The following CAMTA1 variants were observed in gnomAD, a reference collection of about 807,000 sequenced individuals.
CAMTA1 encodes calmodulin-binding transcription activator 1.
Under a neutral mutation model 170.9 loss-of-function variants are expected in CAMTA1, and 27 were observed. That is an observed-to-expected ratio of 0.16 (90% CI 0.12 to 0.22). The LOEUF is 0.22. Among genes scored for constraint, CAMTA1 ranks in the 10% least tolerant of loss-of-function variants. The pLI, the probability that CAMTA1 is intolerant of heterozygous loss-of-function variation, is 1.00. For synonymous variants in CAMTA1, 833 were observed against 891.5 expected, an observed-to-expected ratio of 0.93 and a Z score of 1.17; for missense variants, 1,619 against 2,217.2, an observed-to-expected ratio of 0.73 and a Z score of 5.42.
At position 7,664,557 on chromosome 1, in the gene CAMTA1, C is replaced by G; in HGVS notation, c.2010C>G (p.Ser670=). Residue 670 remains serine, a synonymous_variant, in exon 9 of 23, where the codon TCC becomes TCG. Coordinates refer to ENST00000303635, the MANE Select transcript of CAMTA1 (RefSeq NM_015215.4). ...TGGAGACGCGGATCGAGTCCACTTC[C>G]TCCCTCCACCTCATGCAGTTCCAGG... ...GHVETRIEST[S]SLHLMQFQAN... 1 of 1,613,214 alleles carries G rather than the reference C, an allele frequency of 6.2e-7. No individual in the cohort carries two copies. Among genetic ancestry groups the G allele is most frequent in the Non-Finnish European group, 8.5e-7 (1 of 1,180,040 alleles).
At position 7,044,389 on chromosome 1, in the gene CAMTA1, T is replaced by C. The variant is rs936480282; in HGVS notation, c.235-46915T>C. Among the ~76,000 whole-genome samples, 3 of 151,680 alleles carry C rather than the reference T, an allele frequency of 2.0e-5. No homozygotes were observed. The highest frequency in any genetic ancestry group is 7.3e-5 in the African/African-American group (3 of 41,250). On this transcript the variant is annotated intron_variant, in intron 3 of 22. Coordinates refer to ENST00000303635, the MANE Select transcript of CAMTA1 (RefSeq NM_015215.4). The surrounding 1 kb of genome is among the most constrained non-coding windows in gnomAD (Gnocchi z 5.0). ...GGACCCTGGGGACTCACAGCAGTACTGCTGGGGACGCCGAGGACGCAGAGC... is the reference window on the plus strand; with the variant it reads ...GGACCCTGGGGACTCACAGCAGTACCGCTGGGGACGCCGAGGACGCAGAGC...
In CAMTA1 at chr1:7,713,337, C is replaced by T. The variant is rs142061729; in HGVS notation, c.2915-19111C>T. On this transcript the variant is annotated intron_variant, in intron 11 of 22. Transcript: ENST00000303635. ...AGTATGGACCAAGACTTTCCTAACT[C>T]GGAGACTGTCTATATCAAAAAGGTA... 4.7e-3 allele frequency among the ~76,000 whole-genome samples: 712 copies of T among 152,260 alleles called. 14 individuals carry two copies. Among genetic ancestry groups the T allele is most frequent in the South Asian group, 0.014 (67 of 4,824 alleles).
chr1:7,439,743 G>T (rs2092462476), intron 5 of CAMTA1, among the ~76,000 whole-genome samples: 1 of 152,204 alleles, frequency 6.6e-6, no homozygotes, highest in Non-Finnish European at 1.5e-5. Context: ...CAGGCCTCTA[G>T]GGTGCAGGTC....
rs2094822929 is a variant in CAMTA1 at position 7,552,941 on chromosome 1, G to C, written c.510+85040G>C. 2.0e-5 allele frequency among the ~76,000 whole-genome samples: 3 copies of C among 152,204 alleles called. No homozygotes were observed. The South Asian group carries it at 6.2e-4, about 31-fold the overall frequency. On this transcript the variant is annotated intron_variant, in intron 6 of 22. Transcript: ENST00000303635. The stretch of plus-strand genomic sequence containing the variant: ...TCCATGTTAAGCAGTAGCTGAGTGG[G>C]GATGTCATTGTGGCAAACCTTCCCC...
chr1:6,788,002 A>G lies in CAMTA1; in HGVS notation c.45+2427A>G, dbSNP rs116712449. Reference sequence around the variant, plus strand: ...CTTTTGTATTTTGGCCATTTAAATAATTGAGAGAGGTTGTGAAATTAGCAA... The same window carrying G: ...CTTTTGTATTTTGGCCATTTAAATAGTTGAGAGAGGTTGTGAAATTAGCAA... On this transcript the variant is annotated intron_variant, in intron 1 of 22. Coordinates refer to ENST00000303635, the MANE Select transcript of CAMTA1 (RefSeq NM_015215.4). 3.8e-3 allele frequency among the ~76,000 whole-genome samples: 580 copies of G among 152,310 alleles called. 5 individuals carry two copies. Among genetic ancestry groups the G allele is most frequent in the African/African-American group, 0.013 (539 of 41,558 alleles).
intron 1 of CAMTA1, chr1:6,806,918 G>A (rs660880): frequency 0.44 from 187,123 of 424,048 alleles, 45,578 homozygotes; most frequent in Admixed American, 0.63. Context: ...GTGAACATTG[G>A]TTATTGTTAT....
chr1:7,661,626 G>A (rs2095958406), intron 7 of CAMTA1, 100 bp from the exon 8 acceptor site: 5 of 1,354,334 alleles, frequency 3.7e-6, no homozygotes, highest in Middle Eastern at 1.9e-4. Context: ...AGCAGTGAGA[G>A]GGCTGCCCTC....
chr1:7,257,714 T>C (rs569837945), intron 5 of CAMTA1, among the ~76,000 whole-genome samples: 161 of 26,364 alleles, frequency 6.1e-3, no homozygotes, highest in African/African-American at 0.025. Flanking sequence ...TAAACAACAG[T>C]TTTTTTTTAG....
At chr1:7,415,053 A>T (rs1253992054) in intron 5 of CAMTA1, among the ~76,000 whole-genome samples, 123 of 148,772 alleles carry the variant, frequency 8.3e-4, no homozygotes, top group South Asian at 3.6e-3. Context: ...TTCAGTTTCC[A>T]TGTAGTTGAG....
chr1:7,434,877 C>CAAA (rs779722434), intron 5 of CAMTA1, among the ~76,000 whole-genome samples: 2,949 of 83,384 alleles, frequency 0.035, 127 homozygotes, highest in African/African-American at 0.12. Flanking sequence ...CCTGTCTCTA[C>CAAA]AAAAAAAAAA....
intron 3 of CAMTA1, among the ~76,000 whole-genome samples, chr1:6,893,526 A>T (rs1057499870): frequency 6.6e-6 from 1 of 152,242 alleles, no homozygotes; most frequent in South Asian, 2.1e-4. Context: ...AGGGTGGGTA[A>T]CCACTGATCT....
intron 5 of CAMTA1, among the ~76,000 whole-genome samples, chr1:7,410,141 T>A (rs2090608404): frequency 6.6e-6 from 1 of 152,228 alleles, no homozygotes; most frequent in Non-Finnish European, 1.5e-5. Context: ...ACAGTTGATT[T>A]TAAAGTGAGC....
Position 7,455,219 on chromosome 1 carries a change from C to T in CAMTA1, c.439-12611C>T, listed in dbSNP as rs765966154. ...TCCTGCTTCTCTAGTGCAGGAGCCGCGGCTCGGCATGGTTCTGCGTGTGTG... is the reference window on the plus strand; with the variant it reads ...TCCTGCTTCTCTAGTGCAGGAGCCGTGGCTCGGCATGGTTCTGCGTGTGTG... On this transcript the variant is annotated intron_variant, in intron 5 of 22. Coordinates refer to ENST00000303635, the MANE Select transcript of CAMTA1 (RefSeq NM_015215.4). This position sits in a 1 kb window ranked among gnomAD's most constrained non-coding sequence, Gnocchi z 5.0. 6.6e-6 allele frequency among the ~76,000 whole-genome samples: 1 copy of T among 152,184 alleles called. No individual in the cohort carries two copies. Among genetic ancestry groups the T allele is most frequent in the African/African-American group, 2.4e-5 (1 of 41,452 alleles).
intron 1 of CAMTA1, among the ~76,000 whole-genome samples, chr1:6,793,219 T>A (rs1366546008): frequency 6.6e-6 from 1 of 152,098 alleles, no homozygotes; most frequent in Non-Finnish European, 1.5e-5. Context: ...AGCAGATAAT[T>A]TTTGGATGTG....
At chr1:7,142,513 T>A (rs1645946127) in intron 4 of CAMTA1, among the ~76,000 whole-genome samples, 1 of 152,194 alleles carries the variant, frequency 6.6e-6, no homozygotes, top group Non-Finnish European at 1.5e-5. Flanking sequence ...GGGATCCTAA[T>A]GCTGGAGGTG....
At position 7,680,817 on chromosome 1, in the gene CAMTA1, G is replaced by A. The variant is rs941971341; in HGVS notation, c.2914+3084G>A. Among the ~76,000 whole-genome samples the A allele has an allele frequency of 4.1e-5, 6 of 145,910 alleles. No homozygotes were observed. In the South Asian group the frequency reaches 1.1e-3, roughly 26 times the overall value. On this transcript the variant is annotated intron_variant, in intron 11 of 22. Coordinates refer to ENST00000303635, the MANE Select transcript of CAMTA1 (RefSeq NM_015215.4). The surrounding 1 kb of genome is among the most constrained non-coding windows in gnomAD (Gnocchi z 4.4). ...TTTGCTTGGCTAAAGGCCGGGGGGG[G>A]GCGTGGGTCCGGGGCGCAGAGAACA...
intron 3 of CAMTA1, among the ~76,000 whole-genome samples, chr1:6,957,924 G>A (rs1309456009): frequency 6.6e-6 from 1 of 152,180 alleles, no homozygotes; most frequent in Non-Finnish European, 1.5e-5. Context: ...AAGCAAAGCT[G>A]AGCTGGTCCT....
intron 3 of CAMTA1, among the ~76,000 whole-genome samples, chr1:7,073,522 CAG>C (rs913080047): frequency 6.6e-6 from 1 of 151,844 alleles, no homozygotes; most frequent in Non-Finnish European, 1.5e-5. Flanking sequence ...GTTTAGAGGA[CAG>C]GGGGATGAGG....
intron 3 of CAMTA1, among the ~76,000 whole-genome samples, chr1:6,899,813 CT>C (rs993224337): frequency 2.0e-5 from 3 of 152,220 alleles, no homozygotes; most frequent in African/African-American, 7.2e-5. Flanking sequence ...AACACAAGCC[CT>C]TGTCAAGTCC....
Sources: gnomAD v4.1 joint callset for allele counts (sites outside exome capture counted in the v4.1 genomes callset) on GRCh38, gnomAD v4.1.1 for gene constraint, Gnocchi (gnomAD v3.1) non-coding constraint, MANE v1.5 for transcripts, NCBI Gene and HGNC (gene_info 2026-07-23, HGNC 2026-07-21) for gene names.